The following EIF2AK1 variants were observed in gnomAD, a reference collection of about 807,000 sequenced individuals.
EIF2AK1 encodes eukaryotic translation initiation factor 2-alpha kinase 1.
EIF2AK1 carries 54 observed loss-of-function variants against 77.9 expected under a neutral mutation model. The observed-to-expected ratio is 0.69, with a 90% CI of 0.56 to 0.87. The LOEUF is 0.87. Among genes scored for constraint, EIF2AK1 ranks in the 40% least tolerant of loss-of-function variants. EIF2AK1 has a pLI of 0.00. For missense variants in EIF2AK1, 810 were observed against 768.6 expected (o/e 1.05, Z -0.64); for synonymous variants, 314 against 290.5 (o/e 1.08, Z -0.82).
At chr7:6,026,997 A>G (rs1466309547) in intron 13 of EIF2AK1, 36 bp from the exon 14 acceptor site, 1 of 1,540,572 alleles carries the variant, frequency 6.5e-7, no homozygotes, top group African/African-American at 1.4e-5. Flanking sequence ...CAGTAGTGAA[A>G]TACAAAGTTA....
At chr7:6,055,964 C>G (rs1191379632) in intron 1 of EIF2AK1, among the ~76,000 whole-genome samples, 3 of 50,378 alleles carry the variant, frequency 6.0e-5, no homozygotes, top group Non-Finnish European at 1.1e-4. Context: ...GCCTGGGCAA[C>G]AAAGTGAAAC....
chr7:6,027,352 A>G lies in EIF2AK1; in HGVS notation c.1531-391T>C, dbSNP rs964701368. Among the ~76,000 whole-genome samples the G allele has an allele frequency of 6.6e-6, 1 of 152,098 alleles. No homozygotes were observed. Among genetic ancestry groups the G allele is most frequent in the African/African-American group, 2.4e-5 (1 of 41,428 alleles). The stretch of plus-strand genomic sequence containing the variant: ...CTCCTCCGGTCTCACCTCTGCCTCC[A>G]CTCATTCTTACCAAGTGTCCTTGGT... On this transcript the variant is annotated intron_variant, in intron 13 of 14. Coordinates refer to ENST00000199389, the MANE Select transcript of EIF2AK1 (RefSeq NM_014413.4). This position sits in a 1 kb window ranked among gnomAD's most constrained non-coding sequence, Gnocchi z 4.5.
At chr7:6,053,839 G>T (rs1360277715) in intron 2 of EIF2AK1, among the ~76,000 whole-genome samples, 1 of 80,346 alleles carries the variant, frequency 1.2e-5, no homozygotes, top group Non-Finnish European at 2.5e-5. Flanking sequence ...GGGTAGTTTT[G>T]CATTTTTTTT....
At position 6,023,310 on chromosome 7, in the gene EIF2AK1, G is replaced by T; in HGVS notation, c.*1363C>A. 5 of 1,597,128 alleles carry T rather than the reference G, an allele frequency of 3.1e-6. No homozygotes were observed. Among genetic ancestry groups the T allele is most frequent in the Non-Finnish European group, 3.4e-6 (4 of 1,173,274 alleles). Reference sequence around the variant, plus strand: ...CGTGTTTTTTCTTTTCAGTGCCGAAGACGCAGATGAAATTCAGCATCCAGA... The same window carrying T: ...CGTGTTTTTTCTTTTCAGTGCCGAATACGCAGATGAAATTCAGCATCCAGA... On this transcript the variant is annotated 3_prime_UTR_variant, in exon 15 of 15. Transcript: ENST00000199389.
chr7:6,044,655 G>A lies in EIF2AK1; in HGVS notation c.637C>T (p.Arg213Trp), dbSNP rs201849115. 1.7e-5 allele frequency: 27 copies of A among 1,613,406 alleles called. No homozygotes were observed. Among genetic ancestry groups the A allele is most frequent in the East Asian group, 2.2e-5 (1 of 44,854 alleles). Residue 213 changes from arginine to tryptophan, a missense_variant, in exon 7 of 15, where the codon CGG (arginine) becomes TGG (tryptophan). Arg to Trp is a moderately radical substitution (Grantham distance 101). Around this residue, in one of 3 missense-constraint regions of EIF2AK1, gnomAD observed 549 missense variants for 533.7 expected, o/e 1.03. Transcript: ENST00000199389. ...ATKTVCMKVLREVKVLAGLQH... is the reference protein window; with the variant it reads ...ATKTVCMKVLWEVKVLAGLQH... ...AGACCTGCCAGCACCTTCACTTCCCGTAGGACCTAGAAAAGAAATGGAAGT... is the reference window on the plus strand; with the variant it reads ...AGACCTGCCAGCACCTTCACTTCCCATAGGACCTAGAAAAGAAATGGAAGT...
intron 3 of EIF2AK1, 113 bp downstream of exon 3, chr7:6,049,799 T>C: frequency 9.0e-7 from 1 of 1,105,374 alleles, no homozygotes; most frequent in Admixed American, 2.5e-5. Context: ...GCCTAGAGTT[T>C]ATACTTTTAA....
intron 6 of EIF2AK1, 102 bp downstream of exon 6, chr7:6,045,969 A>G: frequency 1.6e-6 from 1 of 628,868 alleles, no homozygotes; most frequent in Non-Finnish European, 2.6e-6. Flanking sequence ...CTGGAAATCC[A>G]CACCGCCTAC....
At chr7:6,045,384 G>A (rs1788417755) in intron 6 of EIF2AK1, among the ~76,000 whole-genome samples, 1 of 152,146 alleles carries the variant, frequency 6.6e-6, no homozygotes, top group Non-Finnish European at 1.5e-5. Flanking sequence ...GGGATTACAG[G>A]CGTGAGCCAC....
At position 6,035,863 on chromosome 7, in the gene EIF2AK1, C is replaced by A. The variant is rs1056094282; in HGVS notation, c.1332+1561G>T. 3 of 1,547,606 alleles carry A rather than the reference C, an allele frequency of 1.9e-6. No homozygotes were observed. Among genetic ancestry groups the A allele is most frequent in the East Asian group, 2.4e-5 (1 of 40,864 alleles). ...ACGCCCCTGAAGCTTGCAGTGTGCA[C>A]TGCATCAAGCAAAGCAGGCCGACTC... On this transcript the variant is annotated intron_variant, in intron 11 of 14. Coordinates refer to ENST00000199389, the MANE Select transcript of EIF2AK1 (RefSeq NM_014413.4). The surrounding 1 kb of genome is among the most constrained non-coding windows in gnomAD (Gnocchi z 5.5).
In EIF2AK1 at chr7:6,036,346, A is replaced by G. The variant is rs777072795; in HGVS notation, c.1332+1078T>C. 6.5e-7 allele frequency: 1 copy of G among 1,531,400 alleles called. No individual in the cohort carries two copies. The highest frequency in any genetic ancestry group is 8.8e-7 in the Non-Finnish European group (1 of 1,139,896). The allele number at this position is 1,531,400 out of a possible 1,614,324, so 94.9% of individuals were successfully genotyped here. ...CAATTCCTCCCAGTGACAATATGGA[A>G]TTCTGTCTACTGCTGTTATGACTTG... On this transcript the variant is annotated intron_variant, in intron 11 of 14. Transcript: ENST00000199389. The surrounding 1 kb of genome is among the most constrained non-coding windows in gnomAD (Gnocchi z 4.6).
intron 9 of EIF2AK1, among the ~76,000 whole-genome samples, chr7:6,039,893 T>C (rs1417230580): frequency 1.3e-5 from 2 of 150,526 alleles, no homozygotes; most frequent in Admixed American, 6.6e-5. Context: ...GCCGAGATCA[T>C]GCCACTGTAC....
rs1787478129 is a variant in EIF2AK1, at chr7:6,022,248, TATTTTCTTAAC to T, written c.*2414_*2424del. ...GAGCCACCATGCCCAGCATCCTTATTATTTTCTTAACATTTTCTCAAGTTTATTGTAAGAAT... is the reference window on the plus strand; with the variant it reads ...GAGCCACCATGCCCAGCATCCTTATTATTTTCTCAAGTTTATTGTAAGAAT... On this transcript the variant is annotated 3_prime_UTR_variant, in exon 15 of 15. Transcript: ENST00000199389. 1 of 152,128 alleles carries T rather than the reference TATTTTCTTAAC, an allele frequency of 6.6e-6. No homozygotes were observed. The highest frequency in any genetic ancestry group is 2.4e-5 in the African/African-American group (1 of 41,426). The allele number at this position is 152,128 out of a possible 1,614,324, so 9.4% of individuals were successfully genotyped here. A position where few individuals can be genotyped will look rare whatever the true frequency, so the allele number is the denominator to read the frequency against.
At chr7:6,028,386 G>A (rs1383518338) in intron 13 of EIF2AK1, among the ~76,000 whole-genome samples, 1 of 152,046 alleles carries the variant, frequency 6.6e-6, no homozygotes, top group Non-Finnish European at 1.5e-5. Flanking sequence ...AGAGTAGCTG[G>A]GACTACAGGC....
rs1037914523 is a variant in EIF2AK1 at position 6,037,420 on chromosome 7, T to C, written c.1332+4A>G. On this transcript the variant is annotated splice_donor_region_variant and intron_variant, in intron 11 of 14. Coordinates refer to ENST00000199389, the MANE Select transcript of EIF2AK1 (RefSeq NM_014413.4). ...CTTTCAATGATTTCATCGCCCCCAC[T>C]TACCTTCAGATCTCGGTGCACAATT... 1.3e-6 allele frequency: 2 copies of C among 1,596,108 alleles called. No individual in the cohort carries two copies. The highest frequency in any genetic ancestry group is 1.7e-6 in the Non-Finnish European group (2 of 1,166,250).
Position 6,054,706 on chromosome 7 carries a change from T to C in EIF2AK1, c.119-2A>G, listed in dbSNP as rs768298421. On this transcript the variant is annotated splice_acceptor_variant, in intron 1 of 14. Coordinates refer to ENST00000199389, the MANE Select transcript of EIF2AK1 (RefSeq NM_014413.4). LOFTEE classifies it high-confidence loss of function. ...GGATTTCTGCTGGAACATCAGATTC[T>C]AAAAATTAAAAAGGAAAATATTTTT... The C allele has an allele frequency of 6.8e-6, 11 of 1,611,100 alleles. No individual in the cohort carries two copies. The Admixed American group carries it at 1.3e-4, about 20-fold the overall frequency.
At position 6,036,473 on chromosome 7, in the gene EIF2AK1, C is replaced by A. The variant is rs1183799737; in HGVS notation, c.1332+951G>T. 5.7e-5 allele frequency: 52 copies of A among 919,530 alleles called. No homozygotes were observed. Among genetic ancestry groups the A allele is most frequent in the Non-Finnish European group, 7.4e-5 (48 of 645,248 alleles). The allele number at this position is 919,530 out of a possible 1,614,324, so 57.0% of individuals were successfully genotyped here. ...TAGACATGTCCCAGAAAATGCTTCA[C>A]CTATCACCTGTGACATCCCAAATGT... On this transcript the variant is annotated intron_variant, in intron 11 of 14. Transcript: ENST00000199389. This position sits in a 1 kb window ranked among gnomAD's most constrained non-coding sequence, Gnocchi z 4.6.
At chr7:6,025,645 AT>A (rs1406667497) in intron 14 of EIF2AK1, among the ~76,000 whole-genome samples, 8 of 152,174 alleles carry the variant, frequency 5.3e-5, no homozygotes, top group Non-Finnish European at 1.2e-4. Context: ...AGGGTTCACT[AT>A]TTATATTGAG....
intron 8 of EIF2AK1, among the ~76,000 whole-genome samples, chr7:6,041,758 T>G (rs1329828520): frequency 2.0e-5 from 3 of 151,464 alleles, no homozygotes; most frequent in African/African-American, 7.3e-5. Flanking sequence ...GGAGAATCGC[T>G]TGAACCCGGG....
At chr7:6,048,738 A>T in intron 4 of EIF2AK1, 69 bp downstream of exon 4, 6 of 1,260,374 alleles carry the variant, frequency 4.8e-6, no homozygotes, top group Non-Finnish European at 6.7e-6. Flanking sequence ...TTTAACCTCA[A>T]ATCAGTATTT....
Sources: gnomAD v4.1 joint callset for allele counts (sites outside exome capture counted in the v4.1 genomes callset) on GRCh38, gnomAD v4.1.1 for gene constraint, gnomAD v4.1.1 regional missense constraint, Gnocchi (gnomAD v3.1) non-coding constraint, MANE v1.5 for transcripts, NCBI Gene and HGNC (gene_info 2026-07-23, HGNC 2026-07-21) for gene names.